MACROH2A1: variants seen among roughly 807,000 people sequenced by gnomAD.
MACROH2A1 encodes the protein core histone macro-H2A.1.
Under a neutral mutation model 31.6 loss-of-function variants are expected in MACROH2A1, and 2 were observed. The observed-to-expected ratio is 0.06, with a 90% CI of 0.03 to 0.20. MACROH2A1 has a LOEUF of 0.20. Ranked by LOEUF, MACROH2A1 falls within the 10% of genes least tolerant of loss-of-function variation. MACROH2A1 has a pLI of 1.00. For synonymous variants in MACROH2A1, 169 were observed against 189.6 expected (o/e 0.89, Z 0.89); for missense variants, 230 against 474.0 (o/e 0.49, Z 4.78).
At position 135,398,509 on chromosome 5, in the gene MACROH2A1, G is replaced by A. The variant is rs535600810; in HGVS notation, c.-34+553C>T. On this transcript the variant is annotated intron_variant, in intron 1 of 8. Transcript: ENST00000511689. The surrounding 1 kb of genome is among the most constrained non-coding windows in gnomAD (Gnocchi z 4.6). The stretch of plus-strand genomic sequence containing the variant: ...CGCACCAGCCCGGCTTCAATCCCGC[G>A]AGTAGCCCCCGCCTTCCCCTCCCTG... 1.3e-5 allele frequency among the ~76,000 whole-genome samples: 2 copies of A among 152,276 alleles called. No individual in the cohort carries two copies. The highest frequency in any genetic ancestry group is 4.8e-5 in the African/African-American group (2 of 41,564).
At chr5:135,390,669 G>A (rs1172719932) in intron 1 of MACROH2A1, among the ~76,000 whole-genome samples, 4 of 152,114 alleles carry the variant, frequency 2.6e-5, no homozygotes, top group Admixed American at 1.3e-4. Context: ...CATGGTGTTT[G>A]GGGCCTTCCA....
At chr5:135,379,494 C>T (rs978890325) in intron 2 of MACROH2A1, among the ~76,000 whole-genome samples, 2 of 152,256 alleles carry the variant, frequency 1.3e-5, no homozygotes, top group East Asian at 1.9e-4. Flanking sequence ...TGGGAAGAGA[C>T]GGAGGCTGAC....
rs1376708904 is a variant in MACROH2A1, at chr5:135,335,041, C to G, written c.1054G>C (p.Val352Leu). Residue 352 changes from valine (V) to leucine (L), a missense_variant, in exon 9 of 9, where the codon GTG (valine) becomes CTG (leucine). Val to Leu is a conservative substitution (Grantham distance 32). Around this residue, in one of 2 missense-constraint regions of MACROH2A1, gnomAD observed 183 missense variants for 319.3 expected, o/e 0.57. Coordinates refer to ENST00000511689, the MANE Select transcript of MACROH2A1 (RefSeq NM_138610.3). Reference sequence around the variant, plus strand: ...CCTATACTCTCGCTGTCAAAAAGCACGAAGTACACCGTTTTGATGGAAGAG... The same window carrying G: ...CCTATACTCTCGCTGTCAAAAAGCAGGAAGTACACCGTTTTGATGGAAGAG... Reference protein sequence around the residue: ...MSSSIKTVYFVLFDSESIGIY... With the variant: ...MSSSIKTVYFLLFDSESIGIY... 2 of 1,613,700 alleles carry G rather than the reference C, an allele frequency of 1.2e-6. No individual in the cohort carries two copies. The highest frequency in any genetic ancestry group is 8.5e-7 in the Non-Finnish European group (1 of 1,179,712).
In MACROH2A1 at chr5:135,334,999, T is replaced by C; in HGVS notation, c.1096A>G (p.Met366Val). The C allele has an allele frequency of 1.2e-6, 2 of 1,614,014 alleles. No individual in the cohort carries two copies. The highest frequency in any genetic ancestry group is 1.7e-6 in the Non-Finnish European group (2 of 1,179,910). The change falls in exon 9 of 9, where the codon ATG (methionine) becomes GTG (valine). Residue 366 changes from methionine to valine, a missense_variant. By Grantham distance (21) the Met-to-Val change is conservative. Around this residue, in one of 2 missense-constraint regions of MACROH2A1, gnomAD observed 183 missense variants for 319.3 expected, o/e 0.57. Transcript: ENST00000511689. ...GCCTAGTTGGCGTCCAGCTTGGCCATTTCCTGCACATAGATGCCTATACTC... is the reference window on the plus strand; with the variant it reads ...GCCTAGTTGGCGTCCAGCTTGGCCACTTCCTGCACATAGATGCCTATACTC... ...SESIGIYVQEMAKLDAN is the reference protein window; with the variant it reads ...SESIGIYVQEVAKLDAN
intron 2 of MACROH2A1, among the ~76,000 whole-genome samples, chr5:135,374,289 C>T (rs1021080040): frequency 6.6e-6 from 1 of 152,232 alleles, no homozygotes; most frequent in Non-Finnish European, 1.5e-5. Context: ...CGGTTCCCAT[C>T]TGCTCTCCAG....
At chr5:135,383,137 G>T (rs996486377) in intron 2 of MACROH2A1, among the ~76,000 whole-genome samples, 34 of 152,214 alleles carry the variant, frequency 2.2e-4, no homozygotes, top group Admixed American at 2.2e-3. Context: ...AAGGCACATA[G>T]TGTTGAACTG....
At chr5:135,370,700 T>C (rs1280818964) in intron 2 of MACROH2A1, among the ~76,000 whole-genome samples, 1 of 152,056 alleles carries the variant, frequency 6.6e-6, no homozygotes, top group Non-Finnish European at 1.5e-5. Flanking sequence ...TTTTTTAAAG[T>C]GTGTGTGTGT....
chr5:135,369,343 G>T lies in MACROH2A1; in HGVS notation c.477+63C>A. 2 of 1,357,544 alleles carry T rather than the reference G, an allele frequency of 1.5e-6. No individual in the cohort carries two copies. Among genetic ancestry groups the T allele is most frequent in the Non-Finnish European group, 2.1e-6 (2 of 948,148 alleles). 84.1% of individuals were successfully genotyped at this position (1,357,544 alleles called of 1,614,324 possible). ...ACAGGGGGAATGAGGGGGGTGCCCT[G>T]GTAACCCTGTTTATCCGTACCCCAT... is the stretch of plus-strand genomic sequence containing the variant. On this transcript the variant is annotated intron_variant, in intron 4 of 8. Transcript: ENST00000511689. This position sits in a 1 kb window ranked among gnomAD's most constrained non-coding sequence, Gnocchi z 4.3.
Position 135,353,078 on chromosome 5 carries a change from G to C in MACROH2A1, c.589-33C>G. ...GAAAAGCATGAGGTGGGAAATAACAGGAGAGCTGGGAAGTCTCAGAGAAGG... is the reference window on the plus strand; with the variant it reads ...GAAAAGCATGAGGTGGGAAATAACACGAGAGCTGGGAAGTCTCAGAGAAGG... On this transcript the variant is annotated intron_variant, in intron 5 of 8. Transcript: ENST00000511689. 4 of 1,341,080 alleles carry C rather than the reference G, an allele frequency of 3.0e-6. No homozygotes were observed. The Middle Eastern group carries it at 5.4e-4, about 181-fold the overall frequency. The allele number at this position is 1,341,080 out of a possible 1,614,324, so 83.1% of individuals were successfully genotyped here.
intron 2 of MACROH2A1, among the ~76,000 whole-genome samples, chr5:135,388,686 C>T (rs1210565009): frequency 6.6e-6 from 1 of 152,120 alleles, no homozygotes; most frequent in Non-Finnish European, 1.5e-5. Context: ...AAAATAAATA[C>T]AGAAATATCT....
At chr5:135,374,175 C>G (rs570421653) in intron 2 of MACROH2A1, among the ~76,000 whole-genome samples, 4 of 152,120 alleles carry the variant, frequency 2.6e-5, no homozygotes, top group South Asian at 2.1e-4. Flanking sequence ...ATCCTTAGTC[C>G]AGGTTTAGAA....
intron 4 of MACROH2A1, among the ~76,000 whole-genome samples, chr5:135,364,200 T>G (rs1763203985): frequency 6.6e-6 from 1 of 152,126 alleles, no homozygotes; most frequent in African/African-American, 2.4e-5. Context: ...TGAGAACACT[T>G]AGACACAGGG....
chr5:135,346,137 A>G, intron 6 of MACROH2A1, 80 bp from the exon 7 acceptor site: 5 of 835,548 alleles, frequency 6.0e-6, no homozygotes, highest in Middle Eastern at 2.2e-4. Flanking sequence ...AGGTGATTAC[A>G]TACTTCAAAT....
intron 2 of MACROH2A1, among the ~76,000 whole-genome samples, chr5:135,378,459 A>G (rs1765203397): frequency 6.6e-6 from 1 of 152,216 alleles, no homozygotes; most frequent in Non-Finnish European, 1.5e-5. Flanking sequence ...ATACGAGGCC[A>G]CAGGAATGTC....
chr5:135,350,169 A>T (rs1359388928), intron 6 of MACROH2A1, among the ~76,000 whole-genome samples: 1 of 152,126 alleles, frequency 6.6e-6, no homozygotes, highest in Non-Finnish European at 1.5e-5. Flanking sequence ...TCAACCAACA[A>T]TGCCTTATCA....
At chr5:135,396,864 G>A (rs1178162201) in intron 1 of MACROH2A1, among the ~76,000 whole-genome samples, 1 of 152,076 alleles carries the variant, frequency 6.6e-6, no homozygotes, top group Non-Finnish European at 1.5e-5. Context: ...AAGCAAACAA[G>A]CTATACAACT....
Position 135,334,878 on chromosome 5 carries a change from A to G in MACROH2A1, c.*98T>C, listed in dbSNP as rs1758391481. ...CCCTAGATGAGCAAAACTGAAAATG[A>G]AAGGGGTCCCACCTCCCAGTAGGAG... On this transcript the variant is annotated 3_prime_UTR_variant, in exon 9 of 9. Transcript: ENST00000511689. 2 of 1,010,778 alleles carry G rather than the reference A, an allele frequency of 2.0e-6. No individual in the cohort carries two copies. Among genetic ancestry groups the G allele is most frequent in the East Asian group, 2.4e-5 (1 of 41,552 alleles). The allele number at this position is 1,010,778 out of a possible 1,614,324, so 62.6% of individuals were successfully genotyped here.
At chr5:135,344,132 G>A (rs1040765652) in intron 7 of MACROH2A1, 30 of 152,848 alleles carry the variant, frequency 2.0e-4, no homozygotes, top group African/African-American at 6.8e-4. Context: ...CTCCACCAAA[G>A]ACTTGCCTTT....
At chr5:135,362,323 G>C (rs1408758338) in intron 4 of MACROH2A1, 1 of 152,196 alleles carries the variant, frequency 6.6e-6, no homozygotes, top group African/African-American at 2.4e-5. Flanking sequence ...AACTGGGTGA[G>C]GGATATTCAA....
Sources: gnomAD v4.1 joint callset for allele counts (sites outside exome capture counted in the v4.1 genomes callset) on GRCh38, gnomAD v4.1.1 for gene constraint, gnomAD v4.1.1 regional missense constraint, Gnocchi (gnomAD v3.1) non-coding constraint, MANE v1.5 for transcripts, NCBI Gene and HGNC (gene_info 2026-07-23, HGNC 2026-07-21) for gene names.